GOLIM4: variants seen among roughly 807,000 people sequenced by gnomAD.
GOLIM4 encodes the protein 130 kDa golgi-localized phosphoprotein.
In GOLIM4, 71 loss-of-function variants were observed where a neutral mutation model predicts 107.4. That is an observed-to-expected ratio of 0.66 (90% CI 0.55 to 0.81). The LOEUF (loss-of-function observed/expected upper bound fraction) is 0.81, where lower values mean the gene tolerates loss of function less well. GOLIM4 is among the 30% of genes least tolerant of loss of function. GOLIM4 has a pLI of 0.00. For synonymous variants in GOLIM4, 327 were observed against 294.8 expected (o/e 1.11, Z -1.12); for missense variants, 830 against 826.1 (o/e 1.00, Z -0.06).
intron 8 of GOLIM4, among the ~76,000 whole-genome samples, chr3:168,034,284 G>T (rs974201380): frequency 1.3e-5 from 2 of 152,154 alleles, no homozygotes. Context: ...AGTGAGGAAG[G>T]TTAGTGCAGA....
chr3:168,032,566 T>C lies in GOLIM4; in HGVS notation c.1130A>G (p.Glu377Gly), dbSNP rs763338032. The change falls in exon 9 of 16, where the codon GAG becomes GGG. Residue 377 changes from glutamate (E) to glycine (G), a missense_variant. Coordinates refer to ENST00000470487, the MANE Select transcript of GOLIM4 (RefSeq NM_014498.5). The part of the protein sequence containing the change: ...EQDREWKEQH[E>G]QREAANLLEG... Reference sequence around the variant, plus strand: ...CAGGAGGTTGGCTGCTTCTCGTTGCTCATGCTGCTCTTTCCACTCCCGATC... The same window carrying C: ...CAGGAGGTTGGCTGCTTCTCGTTGCCCATGCTGCTCTTTCCACTCCCGATC... 4 of 1,614,078 alleles carry C rather than the reference T, an allele frequency of 2.5e-6. No homozygotes were observed. The highest frequency in any genetic ancestry group is 3.4e-6 in the Non-Finnish European group (4 of 1,180,020).
At chr3:168,079,936 T>C (rs1482231866) in intron 1 of GOLIM4, among the ~76,000 whole-genome samples, 1 of 152,146 alleles carries the variant, frequency 6.6e-6, no homozygotes, top group Admixed American at 6.5e-5. Context: ...AAAAAAAATC[T>C]TTGTCATGAA....
In GOLIM4 at chr3:168,009,118, T is replaced by A. The variant is rs1716837836; in HGVS notation, c.*1151A>T. On this transcript the variant is annotated 3_prime_UTR_variant, in exon 16 of 16. Transcript: ENST00000470487. ...ATGCTTGCAACTGAAATGTCTCTAC[T>A]CCAAGGGAAGTTTCTGATTTTTAAT... is the stretch of plus-strand genomic sequence containing the variant. 6.6e-6 allele frequency: 1 copy of A among 152,070 alleles called. No individual in the cohort carries two copies. The allele number at this position is 152,070 out of a possible 1,614,324, so 9.4% of individuals were successfully genotyped here. A position where few individuals can be genotyped will look rare whatever the true frequency, so the allele number is the denominator to read the frequency against.
At chr3:168,050,869 T>TAATAATAAA (rs1553800163) in intron 1 of GOLIM4, among the ~76,000 whole-genome samples, 4 of 142,746 alleles carry the variant, frequency 2.8e-5, no homozygotes, top group Admixed American at 1.4e-4. Flanking sequence ...ATAATAATAA[T>TAATAATAAA]AAAACCTAGC....
At chr3:168,090,358 G>A (rs374536720) in intron 1 of GOLIM4, among the ~76,000 whole-genome samples, 3 of 151,878 alleles carry the variant, frequency 2.0e-5, no homozygotes, top group African/African-American at 4.8e-5. Flanking sequence ...ACTGAGCAGA[G>A]GACATGAAAA....
chr3:168,018,982 AC>A (rs1203560454), intron 14 of GOLIM4, among the ~76,000 whole-genome samples: 4 of 135,628 alleles, frequency 2.9e-5, no homozygotes, highest in Admixed American at 7.2e-5. Flanking sequence ...TCTATGTAGC[AC>A]AAAAAAAAAA....
chr3:168,017,957 G>T (rs925583729), intron 14 of GOLIM4, among the ~76,000 whole-genome samples: 4 of 152,212 alleles, frequency 2.6e-5, no homozygotes, highest in African/African-American at 9.6e-5. Context: ...CCAAATATTT[G>T]TGCTAAATAG....
At chr3:168,054,896 A>G (rs1437555067) in intron 1 of GOLIM4, among the ~76,000 whole-genome samples, 1 of 152,050 alleles carries the variant, frequency 6.6e-6, no homozygotes, top group Admixed American at 6.5e-5. Context: ...ATGAGAGTGA[A>G]TAAGTCTCAT....
chr3:168,093,341 C>T (rs371590776), intron 1 of GOLIM4, among the ~76,000 whole-genome samples: 6 of 152,210 alleles, frequency 3.9e-5, no homozygotes, highest in African/African-American at 1.2e-4. Context: ...CGCCACAGTT[C>T]AGAATAATTT....
At chr3:168,079,519 T>G (rs1721236917) in intron 1 of GOLIM4, among the ~76,000 whole-genome samples, 1 of 152,200 alleles carries the variant, frequency 6.6e-6, no homozygotes, top group Non-Finnish European at 1.5e-5. Flanking sequence ...ATCAAGCTGT[T>G]TGCTTATAAT....
Position 168,095,234 on chromosome 3 carries a change from G to C in GOLIM4, c.52C>G (p.Leu18Val). 1 of 1,613,602 alleles carries C rather than the reference G, an allele frequency of 6.2e-7. No individual in the cohort carries two copies. Among genetic ancestry groups the C allele is most frequent in the Non-Finnish European group, 8.5e-7 (1 of 1,179,996 alleles). The change falls in exon 1 of 16, where the codon CTG (leucine) becomes GTG (valine). Residue 18 changes from leucine (L) to valine (V), a missense_variant. By Grantham distance (32) the Leu-to-Val change is conservative (BLOSUM62 1). Coordinates refer to ENST00000470487, the MANE Select transcript of GOLIM4 (RefSeq NM_014498.5). Reference protein sequence around the residue: ...RKQKRIFQTLLLLTVVFGFLY... With the variant: ...RKQKRIFQTLVLLTVVFGFLY... The stretch of plus-strand genomic sequence containing the variant: ...AAGCCGAACACGACGGTCAGCAGCA[G>C]CAGCGTCTGGAAAATCCGCTTCTGC...
At position 168,029,642 on chromosome 3, in the gene GOLIM4, G is replaced by A. The variant is rs554746767; in HGVS notation, c.1433+138C>T. 3 of 836,330 alleles carry A rather than the reference G, an allele frequency of 3.6e-6. No homozygotes were observed. In the South Asian group the frequency reaches 7.4e-5, roughly 21 times the overall value. 51.8% of individuals were successfully genotyped at this position (836,330 alleles called of 1,614,324 possible). On this transcript the variant is annotated intron_variant, in intron 10 of 15. Coordinates refer to ENST00000470487, the MANE Select transcript of GOLIM4 (RefSeq NM_014498.5). ...TAAATATTTGGTATTTAATTTTCAAGTAGCTGTCCTGCCTTGGCTATTTGA... is the reference window on the plus strand; with the variant it reads ...TAAATATTTGGTATTTAATTTTCAAATAGCTGTCCTGCCTTGGCTATTTGA...
In GOLIM4 at chr3:168,027,811, C is replaced by T; in HGVS notation, c.1540G>A (p.Asp514Asn). ...GAYERDNQHQ[D>N]EAEGDPGNRH... ...TTACCTGGATCTCCTTCTGCTTCAT[C>T]TTGGTGCTGGTTGTCTCTTTCATAG... The change falls in exon 12 of 16, where the codon GAT becomes AAT. Residue 514 changes from aspartate (D) to asparagine (N), a missense_variant. Physicochemically the swap from Asp to Asn is conservative, Grantham distance 23. Transcript: ENST00000470487. 2 of 1,612,918 alleles carry T rather than the reference C, an allele frequency of 1.2e-6. No individual in the cohort carries two copies. Among genetic ancestry groups the T allele is most frequent in the African/African-American group, 1.3e-5 (1 of 74,988 alleles).
At chr3:168,055,541 G>A (rs941225515) in intron 1 of GOLIM4, among the ~76,000 whole-genome samples, 2 of 152,104 alleles carry the variant, frequency 1.3e-5, no homozygotes, top group East Asian at 3.9e-4. Context: ...GCTCACGCCT[G>A]TAATCCCAGC....
intron 1 of GOLIM4, among the ~76,000 whole-genome samples, chr3:168,076,390 A>C (rs1267396498): frequency 6.6e-6 from 1 of 152,160 alleles, no homozygotes; most frequent in African/African-American, 2.4e-5. Flanking sequence ...CACATAAATT[A>C]GTACCTAAAA....
At chr3:168,089,175 C>T (rs191744902) in intron 1 of GOLIM4, among the ~76,000 whole-genome samples, 5 of 152,288 alleles carry the variant, frequency 3.3e-5, no homozygotes, top group South Asian at 2.1e-4. Flanking sequence ...AATTACTGAA[C>T]TTAAGAGTAT....
At chr3:168,081,223 G>A (rs534673059) in intron 1 of GOLIM4, among the ~76,000 whole-genome samples, 1 of 152,154 alleles carries the variant, frequency 6.6e-6, no homozygotes, top group Non-Finnish European at 1.5e-5. Context: ...CAAAGAGAAA[G>A]GGTAGTGAAG....
chr3:168,039,983 TTTATAA>T (rs1250340708), intron 7 of GOLIM4, among the ~76,000 whole-genome samples: 1 of 152,146 alleles, frequency 6.6e-6, no homozygotes, highest in African/African-American at 2.4e-5. Context: ...TTTTAATAAT[TTTATAA>T]AGAAAAGAAA....
At chr3:168,066,748 CT>C (rs1720567652) in intron 1 of GOLIM4, among the ~76,000 whole-genome samples, 2 of 152,094 alleles carry the variant, frequency 1.3e-5, no homozygotes, top group African/African-American at 2.4e-5. Flanking sequence ...TTTAAAATTA[CT>C]AGTATCTATT....
Sources: gnomAD v4.1 joint callset for allele counts (sites outside exome capture counted in the v4.1 genomes callset) on GRCh38, gnomAD v4.1.1 for gene constraint, MANE v1.5 for transcripts, NCBI Gene and HGNC (gene_info 2026-07-23, HGNC 2026-07-21) for gene names.